Variants in C12orf56 observed in about 807,000 individuals in gnomAD.
C12orf56 encodes uncharacterized protein C12orf56.
A neutral mutation model predicts 69.9 loss-of-function variants in C12orf56; 71 were observed. That is an observed-to-expected ratio of 1.02 (90% CI 0.84 to 1.24). C12orf56 has a LOEUF of 1.24. C12orf56 is among the 50% of genes most tolerant of loss of function. C12orf56 has a pLI of 0.00. For synonymous variants in C12orf56, 276 were observed against 274.1 expected, an observed-to-expected ratio of 1.01 and a Z score of -0.07; for missense variants, 732 against 738.5, an observed-to-expected ratio of 0.99 and a Z score of 0.10.
rs1197601377 is a variant in C12orf56 at position 64,390,628 on chromosome 12, C to T, written c.-63G>A. The T allele has an allele frequency of 3.5e-5, 48 of 1,387,252 alleles. No individual in the cohort carries two copies. Among genetic ancestry groups the T allele is most frequent in the Middle Eastern group, 2.7e-4 (1 of 3,732 alleles). 85.9% of individuals were successfully genotyped at this position (1,387,252 alleles called of 1,614,324 possible). A position where few individuals can be genotyped will look rare whatever the true frequency, so the allele number is the denominator to read the frequency against. On this transcript the variant is annotated 5_prime_UTR_variant, in exon 1 of 13. Coordinates refer to ENST00000543942, the MANE Select transcript of C12orf56 (RefSeq NM_001170633.2). ...AGGCCCTCAGCTCGCCCTCTCCCCG[C>T]CCCCGCGCTGGAACCCGCGCGCCAC... is the stretch of plus-strand genomic sequence containing the variant.
intron 2 of C12orf56, among the ~76,000 whole-genome samples, chr12:64,345,950 G>A (rs888690690): frequency 7.2e-5 from 11 of 152,130 alleles, no homozygotes; most frequent in Non-Finnish European, 1.3e-4. Context: ...CATACTATTA[G>A]AAGTAGAGTC....
At chr12:64,336,991 G>A (rs1246583675) in intron 2 of C12orf56, among the ~76,000 whole-genome samples, 1 of 152,120 alleles carries the variant, frequency 6.6e-6, no homozygotes, top group Non-Finnish European at 1.5e-5. Context: ...GACTCATAAA[G>A]GTTAAGTGAC....
intron 8 of C12orf56, among the ~76,000 whole-genome samples, chr12:64,279,497 CA>C (rs2038096564): frequency 6.6e-6 from 1 of 152,100 alleles, no homozygotes; most frequent in African/African-American, 2.4e-5. Flanking sequence ...TAGTACTATA[CA>C]AAAGTTCTCC....
chr12:64,381,219 T>C (rs557284184), intron 1 of C12orf56, among the ~76,000 whole-genome samples: 2 of 152,092 alleles, frequency 1.3e-5, no homozygotes, highest in African/African-American at 4.8e-5. Flanking sequence ...CCTGAGTCAG[T>C]TCCTGGGTGG....
At chr12:64,321,467 T>G (rs939566264) in intron 3 of C12orf56, among the ~76,000 whole-genome samples, 1 of 152,004 alleles carries the variant, frequency 6.6e-6, no homozygotes, top group Non-Finnish European at 1.5e-5. Context: ...GAGCCACTGT[T>G]CCCAGCTTGA....
chr12:64,322,701 A>G (rs979865320), intron 3 of C12orf56, among the ~76,000 whole-genome samples: 2 of 152,168 alleles, frequency 1.3e-5, no homozygotes, highest in African/African-American at 4.8e-5. Context: ...CATTAGGCCC[A>G]AAACATGGCA....
intron 5 of C12orf56, among the ~76,000 whole-genome samples, chr12:64,305,501 T>A (rs193080203): frequency 2.0e-4 from 30 of 152,104 alleles, no homozygotes; most frequent in Non-Finnish European, 3.8e-4. Context: ...CCTGCCTCAG[T>A]CTCCTGGGTA....
In C12orf56 at chr12:64,267,943, A is replaced by AT. The variant is rs1009249746; in HGVS notation, c.1764-656dup. ...CAATCAGATGTGTTTCGGATTTCAG[A>AT]TTTTTTCAGATTTTGGAGTATCTGC... On this transcript the variant is annotated intron_variant, in intron 12 of 12. Transcript: ENST00000543942. Among the ~76,000 whole-genome samples, 3 of 152,162 alleles carry AT rather than the reference A, an allele frequency of 2.0e-5. No individual in the cohort carries two copies. In the South Asian group the frequency reaches 6.2e-4, roughly 32 times the overall value.
chr12:64,337,211 T>A (rs1050607292), intron 2 of C12orf56, among the ~76,000 whole-genome samples: 2 of 151,910 alleles, frequency 1.3e-5, no homozygotes, highest in Non-Finnish European at 2.9e-5. Flanking sequence ...AGACACCAAG[T>A]GTGTAATTTT....
chr12:64,293,738 T>C (rs1055740799), intron 6 of C12orf56, among the ~76,000 whole-genome samples: 8 of 152,204 alleles, frequency 5.3e-5, no homozygotes, highest in African/African-American at 1.4e-4. Context: ...AAAAATATTA[T>C]GCCAAAAGAA....
At chr12:64,343,054 C>T (rs565722807) in intron 2 of C12orf56, among the ~76,000 whole-genome samples, 1 of 152,266 alleles carries the variant, frequency 6.6e-6, no homozygotes, top group East Asian at 1.9e-4. Context: ...GAGTAACACA[C>T]CCAAATGAGG....
intron 2 of C12orf56, among the ~76,000 whole-genome samples, chr12:64,333,127 G>A (rs751485997): frequency 2.0e-5 from 3 of 152,160 alleles, no homozygotes; most frequent in African/African-American, 4.8e-5. Flanking sequence ...ACAGGTTTGA[G>A]CCCATCTCCT....
At chr12:64,375,477 G>A (rs983213027) in intron 1 of C12orf56, among the ~76,000 whole-genome samples, 1 of 152,138 alleles carries the variant, frequency 6.6e-6, no homozygotes, top group African/African-American at 2.4e-5. Context: ...GAGACAACTC[G>A]CAACATCAAC....
At chr12:64,296,959 T>C (rs896343029) in intron 6 of C12orf56, among the ~76,000 whole-genome samples, 13 of 151,754 alleles carry the variant, frequency 8.6e-5, no homozygotes, top group African/African-American at 2.2e-4. Flanking sequence ...AGCACCTTGA[T>C]ACTGGACTTC....
At position 64,318,928 on chromosome 12, in the gene C12orf56, G is replaced by A; in HGVS notation, c.541C>T (p.Pro181Ser). ...PSKDSTLCPR[P>S]GLKKLSLHGQ... ...TGAAGGGACAGCTTTTTGAGGCCTG[G>A]ACGAGGACAGAGAGTTGAGTCCTTG... The change falls in exon 4 of 13, where the codon CCA (proline) becomes TCA (serine). Residue 181 changes from proline (P) to serine (S), a missense_variant. Transcript: ENST00000543942. 1 of 1,536,024 alleles carries A rather than the reference G, an allele frequency of 6.5e-7. No individual in the cohort carries two copies. Among genetic ancestry groups the A allele is most frequent in the Non-Finnish European group, 8.7e-7 (1 of 1,146,338 alleles).
At chr12:64,297,451 T>G (rs1425031574) in intron 6 of C12orf56, among the ~76,000 whole-genome samples, 1 of 152,088 alleles carries the variant, frequency 6.6e-6, no homozygotes, top group Non-Finnish European at 1.5e-5. Context: ...TGCAGTTTTG[T>G]TATACACATG....
At chr12:64,385,040 C>T (rs1219048039) in intron 1 of C12orf56, among the ~76,000 whole-genome samples, 3 of 144,194 alleles carry the variant, frequency 2.1e-5, no homozygotes, top group Non-Finnish European at 3.0e-5. Flanking sequence ...GGCAACAGAG[C>T]GAGACTCCTG....
chr12:64,283,135 G>A lies in C12orf56; in HGVS notation c.1310+1529C>T, dbSNP rs143875548. Among the ~76,000 whole-genome samples the A allele has an allele frequency of 2.2e-4, 33 of 149,164 alleles. No homozygotes were observed. The East Asian group carries it at 5.7e-3, about 26-fold the overall frequency. ...CCAGCCTGGACAACAAGAGTGAAGC[G>A]CTGTCTCAAAAAAAAAAGAAAAAAG... On this transcript the variant is annotated intron_variant, in intron 8 of 12. Transcript: ENST00000543942.
At chr12:64,332,548 G>A (rs564441117) in intron 2 of C12orf56, among the ~76,000 whole-genome samples, 3 of 152,092 alleles carry the variant, frequency 2.0e-5, no homozygotes, top group Non-Finnish European at 4.4e-5. Flanking sequence ...GATTTCTTCT[G>A]TCCTGATTTC....
Sources: gnomAD v4.1 joint callset for allele counts (sites outside exome capture counted in the v4.1 genomes callset) on GRCh38, gnomAD v4.1.1 for gene constraint, MANE v1.5 for transcripts, NCBI Gene and HGNC (gene_info 2026-07-23, HGNC 2026-07-21) for gene names.